Variants in COMMD1 observed in about 807,000 individuals in gnomAD.
The protein encoded by COMMD1 is copper metabolism domain containing 1, also known as COMM domain-containing protein 1.
In COMMD1, 10 loss-of-function variants were observed where a neutral mutation model predicts 17.2. The observed-to-expected ratio is 0.58, with a 90% CI of 0.36 to 0.99. The LOEUF is 0.99. COMMD1 is among the 50% of genes least tolerant of loss of function. The pLI is 0.01. For missense variants in COMMD1, 270 were observed against 231.8 expected (o/e 1.17, Z -1.07); for synonymous variants, 97 against 91.6 (o/e 1.06, Z -0.34).
intron 2 of COMMD1, among the ~76,000 whole-genome samples, chr2:62,021,993 C>A (rs1191759842): frequency 3.6e-5 from 1 of 28,058 alleles, no homozygotes; most frequent in Non-Finnish European, 5.8e-5. Context: ...TTTATAAACT[C>A]CTATTTTTTT....
intron 2 of COMMD1, among the ~76,000 whole-genome samples, chr2:62,102,145 C>T (rs1324976816): frequency 1.3e-5 from 2 of 152,180 alleles, no homozygotes. Context: ...AAAGACCATA[C>T]ATATTTCCTA....
intron 2 of COMMD1, among the ~76,000 whole-genome samples, chr2:62,116,763 G>T (rs1352103939): frequency 6.7e-6 from 1 of 149,164 alleles, no homozygotes; most frequent in East Asian, 2.0e-4. Flanking sequence ...GAGGCAGGCA[G>T]ATTACCTGAA....
intron 1 of COMMD1, among the ~76,000 whole-genome samples, chr2:61,920,981 A>ATTTTT (rs61439372): frequency 1.4e-5 from 2 of 141,400 alleles, no homozygotes; most frequent in African/African-American, 5.4e-5. Flanking sequence ...ATATATATAT[A>ATTTTT]TTTTTTTTTT....
chr2:62,088,269 C>T (rs190938396), intron 2 of COMMD1, among the ~76,000 whole-genome samples: 1 of 152,274 alleles, frequency 6.6e-6, no homozygotes, highest in African/African-American at 2.4e-5. Context: ...CTCCATCCCC[C>T]ACTATCTTTG....
At chr2:61,957,327 A>G (rs1573001009) in intron 1 of COMMD1, among the ~76,000 whole-genome samples, 2 of 152,120 alleles carry the variant, frequency 1.3e-5, no homozygotes, top group East Asian at 1.9e-4. Context: ...CCTAGATGAC[A>G]TATTTTGGGG....
intron 2 of COMMD1, among the ~76,000 whole-genome samples, chr2:62,045,360 A>G (rs921385729): frequency 6.6e-6 from 1 of 152,112 alleles, no homozygotes; most frequent in African/African-American, 2.4e-5. Context: ...GAAGTTGTAA[A>G]TCTTGTGACC....
intron 2 of COMMD1, among the ~76,000 whole-genome samples, chr2:62,125,255 T>A (rs1446535603): frequency 1.3e-5 from 2 of 152,254 alleles, no homozygotes; most frequent in African/African-American, 2.4e-5. Context: ...GAGGCACTGC[T>A]CTGTTCATTT....
rs566990149 is a variant in COMMD1 at position 61,919,341 on chromosome 2, C to T, written c.180+13483C>T. ...CCTCTTTTTTTTGTTTTTGAGGCAG[C>T]GTCTTGTTCAGTCTCCCAGACTGGA... On this transcript the variant is annotated intron_variant, in intron 1 of 2. Coordinates refer to ENST00000311832, the MANE Select transcript of COMMD1 (RefSeq NM_152516.4). Among the ~76,000 whole-genome samples the T allele has an allele frequency of 4.4e-4, 67 of 152,016 alleles. No individual in the cohort carries two copies. In the South Asian group the frequency reaches 8.9e-3, roughly 20 times the overall value.
At chr2:62,026,633 G>C (rs994070273) in intron 2 of COMMD1, among the ~76,000 whole-genome samples, 2 of 152,118 alleles carry the variant, frequency 1.3e-5, no homozygotes, top group Non-Finnish European at 2.9e-5. Context: ...CTTACCCCTT[G>C]ATACCAAAGC....
In COMMD1 at chr2:61,994,051, A is replaced by G. The variant is rs184709372; in HGVS notation, c.181-6650A>G. On this transcript the variant is annotated intron_variant, in intron 1 of 2. Coordinates refer to ENST00000311832, the MANE Select transcript of COMMD1 (RefSeq NM_152516.4). ...ACCCAGGCTGAAGTGCAGTGGCGCA[A>G]TCTTGGCTCACTGCAACCTTCGCCT... 2.7e-3 allele frequency among the ~76,000 whole-genome samples: 405 copies of G among 151,936 alleles called. 1 individual carries two copies. The highest frequency in any genetic ancestry group is 8.6e-3 in the African/African-American group (357 of 41,424).
At chr2:61,914,193 T>C (rs1669989724) in intron 1 of COMMD1, among the ~76,000 whole-genome samples, 2 of 151,784 alleles carry the variant, frequency 1.3e-5, no homozygotes, top group South Asian at 4.1e-4. Flanking sequence ...TAAATAAAAT[T>C]GGAAACAATA....
At chr2:61,972,671 G>A (rs1452536145) in intron 1 of COMMD1, among the ~76,000 whole-genome samples, 1 of 152,138 alleles carries the variant, frequency 6.6e-6, no homozygotes. Context: ...GTCTAACCAG[G>A]AGGCAAACAT....
At chr2:62,048,182 C>CTTTTTTT (rs67195629) in intron 2 of COMMD1, among the ~76,000 whole-genome samples, 1 of 127,248 alleles carries the variant, frequency 7.9e-6, no homozygotes, top group Non-Finnish European at 1.6e-5. Flanking sequence ...AACTAAATTT[C>CTTTTTTT]TTTTTTTTTT....
chr2:61,905,526 A>G (rs964485890), upstream of COMMD1: 2 of 688,728 alleles, frequency 2.9e-6, no homozygotes, highest in Admixed American at 5.9e-5. Context: ...TTGCAGAGCA[A>G]AGCTGTAAGC....
intron 1 of COMMD1, among the ~76,000 whole-genome samples, chr2:61,927,658 A>G (rs997220193): frequency 6.6e-6 from 1 of 151,950 alleles, no homozygotes; most frequent in Non-Finnish European, 1.5e-5. Flanking sequence ...TCGGCCTCCC[A>G]AAGTGCTGGG....
In COMMD1 at chr2:62,032,425, A is replaced by G. The variant is rs116172421; in HGVS notation, c.462+31443A>G. ...GTGGCATGCGCCTGTAATCCTAGCT[A>G]CAGAGGAGGCTCGGGTGGGAGGATC... On this transcript the variant is annotated intron_variant, in intron 2 of 2. Coordinates refer to ENST00000311832, the MANE Select transcript of COMMD1 (RefSeq NM_152516.4). Among the ~76,000 whole-genome samples the G allele has an allele frequency of 4.9e-3, 750 of 152,278 alleles. 7 individuals are homozygous for G. Among genetic ancestry groups the G allele is most frequent in the African/African-American group, 0.017 (713 of 41,550 alleles).
chr2:61,985,638 A>T (rs1262171772), intron 1 of COMMD1, among the ~76,000 whole-genome samples: 2 of 151,828 alleles, frequency 1.3e-5, no homozygotes, highest in East Asian at 3.9e-4. Context: ...TGTATCCTTT[A>T]TATCACAGTT....
At chr2:62,000,032 C>T (rs1365891724) in intron 1 of COMMD1, among the ~76,000 whole-genome samples, 4 of 150,774 alleles carry the variant, frequency 2.7e-5, no homozygotes, top group Non-Finnish European at 4.4e-5. Flanking sequence ...AAGCGATTCT[C>T]CTGCCTCAGC....
chr2:61,999,735 ATTAC>A (rs1433620448), intron 1 of COMMD1, among the ~76,000 whole-genome samples: 3 of 151,130 alleles, frequency 2.0e-5, no homozygotes, highest in Admixed American at 2.0e-4. Flanking sequence ...GGCTTGTTTT[ATTAC>A]TTCAAAAAAA....
Sources: gnomAD v4.1 joint callset for allele counts (sites outside exome capture counted in the v4.1 genomes callset) on GRCh38, gnomAD v4.1.1 for gene constraint, MANE v1.5 for transcripts, NCBI Gene and HGNC (gene_info 2026-07-23, HGNC 2026-07-21) for gene names.